Variants in DMAC2 observed in about 807,000 individuals in gnomAD.
DMAC2 encodes distal membrane-arm assembly complex protein 2.
Under a neutral mutation model 29.6 loss-of-function variants are expected in DMAC2, and 32 were observed. The ratio of observed to expected loss-of-function variants is 1.08; its 90% CI spans 0.81 to 1.45. DMAC2 has a LOEUF of 1.45. DMAC2 is among the 40% of genes most tolerant of loss of function. The pLI is 0.00. For synonymous variants in DMAC2, 133 were observed against 137.4 expected (o/e 0.97, Z 0.23); for missense variants, 319 against 340.0 (o/e 0.94, Z 0.49).
chr19:41,434,663 G>A (rs2039763560), intron 3 of DMAC2, among the ~76,000 whole-genome samples: 1 of 152,026 alleles, frequency 6.6e-6, no homozygotes, highest in African/African-American at 2.4e-5. Context: ...AAAGAGAAAG[G>A]GAAGGAGAAA....
At position 41,438,282 on chromosome 19, in the gene DMAC2, C is replaced by G. The variant is rs782651061; in HGVS notation, c.151G>C (p.Asp51His). The G allele has an allele frequency of 1.2e-6, 2 of 1,614,256 alleles. No homozygotes were observed. The highest frequency in any genetic ancestry group is 1.3e-5 in the African/African-American group (1 of 75,070). ...ILQFLTNYFYDVEALRDYLLQ... is the reference protein window; with the variant it reads ...ILQFLTNYFYHVEALRDYLLQ... ...AAGTAATCCCTCAGAGCCTCCACAT[C>G]GTAGAAATAGTTGGTCAGGAACTGG... is the stretch of plus-strand genomic sequence containing the variant. The change falls in exon 2 of 6, where the codon GAT becomes CAT. Residue 51 changes from aspartate (D) to histidine (H), a missense_variant. By Grantham distance (81) the Asp-to-His change is moderately conservative. Transcript: ENST00000221943.
chr19:41,432,252 T>C lies in DMAC2; in HGVS notation c.753A>G (p.Thr251=), dbSNP rs782191910. ...AAGGCTAGGCAGGGACAGGGCTGGC[T>C]GTGTCCCGAGGCTGCTCCTCCGGCC... ...KSGPEEQPRD[T]ASPVPA is the part of the protein sequence containing the mutation. The change falls in exon 6 of 6, where the codon ACA becomes ACG. Residue 251 remains threonine, a synonymous_variant. Transcript: ENST00000221943. 1 of 1,613,992 alleles carries C rather than the reference T, an allele frequency of 6.2e-7. No homozygotes were observed. The highest frequency in any genetic ancestry group is 8.5e-7 in the Non-Finnish European group (1 of 1,179,980).
intron 2 of DMAC2, among the ~76,000 whole-genome samples, chr19:41,437,864 A>C (rs2039954600): frequency 6.6e-6 from 1 of 152,176 alleles, no homozygotes; most frequent in Non-Finnish European, 1.5e-5. Flanking sequence ...GGAAGCAAAG[A>C]GAGGAATTAG....
chr19:41,433,766 A>T (rs1487288912), intron 3 of DMAC2, 93 bp from the exon 4 acceptor site: 10 of 1,511,224 alleles, frequency 6.6e-6, no homozygotes, highest in Admixed American at 1.9e-5. Flanking sequence ...TATAATATGT[A>T]TAGGTCACCC....
Position 41,439,909 on chromosome 19 carries a change from G to C in DMAC2, c.-10C>G. On this transcript the variant is annotated 5_prime_UTR_variant, in exon 1 of 6. Transcript: ENST00000221943. ...CCCAGGGAGCCGCCATCTTGCTAAG[G>C]TTTCGTAACCGGAAGGGGCCGGTCT... 1 of 1,614,190 alleles carries C rather than the reference G, an allele frequency of 6.2e-7. No individual in the cohort carries two copies. The highest frequency in any genetic ancestry group is 8.5e-7 in the Non-Finnish European group (1 of 1,180,042).
In DMAC2 at chr19:41,433,610, A is replaced by G; in HGVS notation, c.360T>C (p.Asn120=). Residue 120 remains asparagine (N), a synonymous_variant, in exon 4 of 6, where the codon AAT becomes AAC. Coordinates refer to ENST00000221943, the MANE Select transcript of DMAC2 (RefSeq NM_018035.3). ...KYGHFSQEFW[N]FCEVPVEAVD... ...CAGCTTCGACAGGCACTTCACAGAA[A>G]TTCCAGAACTCCTGAGAGAAATGGC... is the stretch of plus-strand genomic sequence containing the variant. 6.2e-7 allele frequency: 1 copy of G among 1,614,210 alleles called. No individual in the cohort carries two copies. The highest frequency in any genetic ancestry group is 8.5e-7 in the Non-Finnish European group (1 of 1,180,026).
intron 4 of DMAC2, 31 bp downstream of exon 4, chr19:41,433,506 G>T: frequency 1.8e-5 from 29 of 1,614,102 alleles, no homozygotes; most frequent in Non-Finnish European, 2.5e-5. Context: ...AAACATAGAG[G>T]CCTGTCCCAT....
chr19:41,433,865 A>C (rs1260260651), intron 3 of DMAC2, among the ~76,000 whole-genome samples, 192 bp from the exon 4 acceptor site: 5 of 151,884 alleles, frequency 3.3e-5, no homozygotes, highest in East Asian at 3.9e-4. Flanking sequence ...TGGGAGGCTG[A>C]GGCAGGAGAA....
At chr19:41,438,186 T>C in intron 2 of DMAC2, 32 bp downstream of exon 2, 2 of 1,590,884 alleles carry the variant, frequency 1.3e-6, no homozygotes, top group Non-Finnish European at 1.7e-6. Flanking sequence ...GGCCAGGGTC[T>C]CCACAGGGTC....
intron 2 of DMAC2, among the ~76,000 whole-genome samples, chr19:41,437,562 G>C (rs984432900): frequency 2.0e-5 from 3 of 152,104 alleles, no homozygotes; most frequent in Non-Finnish European, 4.4e-5. Context: ...AGCTGGGCCT[G>C]GTGGCGGGCG....
Position 41,438,204 on chromosome 19 carries a change from C to G in DMAC2, c.215+14G>C. 6.2e-7 allele frequency: 1 copy of G among 1,609,986 alleles called. No homozygotes were observed. The highest frequency in any genetic ancestry group is 8.5e-7 in the Non-Finnish European group (1 of 1,177,410). On this transcript the variant is annotated intron_variant, in intron 2 of 5. Coordinates refer to ENST00000221943, the MANE Select transcript of DMAC2 (RefSeq NM_018035.3). ...CAGGGTCTCCACAGGGTCTTGCAGA[C>G]CAGGGATTCTCACCGATTTTTCTCA...
intron 1 of DMAC2, 63 bp downstream of exon 1, chr19:41,439,819 C>G: frequency 6.2e-7 from 1 of 1,612,038 alleles, no homozygotes; most frequent in South Asian, 1.1e-5. Context: ...CAACAGAGGC[C>G]CTGAATGCGG....
At position 41,436,404 on chromosome 19, in the gene DMAC2, C is replaced by T. The variant is rs1555771174; in HGVS notation, c.284G>A (p.Gly95Glu). Residue 95 changes from glycine (G) to glutamate (E), a missense_variant, in exon 3 of 6, where the codon GGA becomes GAA. Physicochemically the swap from Gly to Glu is moderately conservative, Grantham distance 98. Transcript: ENST00000221943. ...GAGAFFILKQ[G>E]GAVKFRDKEW... ...TTAGCGGTCATACTTGACTGCGCCT[C>T]CCTGCTTCAGGATGAAAAAGGCACC... is the stretch of plus-strand genomic sequence containing the variant. The T allele has an allele frequency of 1.2e-6, 2 of 1,614,172 alleles. No homozygotes were observed. The highest frequency in any genetic ancestry group is 2.2e-5 in the South Asian group (2 of 91,086).
Position 41,432,260 on chromosome 19 carries a change from G to A in DMAC2, c.745C>T (p.Arg249Trp), listed in dbSNP as rs199654508. 122 of 1,613,940 alleles carry A rather than the reference G, an allele frequency of 7.6e-5. No homozygotes were observed. Among genetic ancestry groups the A allele is most frequent in the Non-Finnish European group, 8.7e-5 (103 of 1,180,018 alleles). Residue 249 changes from arginine (R) to tryptophan (W), a missense_variant, in exon 6 of 6, where the codon CGG becomes TGG. Transcript: ENST00000221943. The stretch of plus-strand genomic sequence containing the variant: ...GCAGGGACAGGGCTGGCTGTGTCCC[G>A]AGGCTGCTCCTCCGGCCCTGACTTC... The part of the protein sequence containing the change: ...GLKSGPEEQP[R>W]DTASPVPA
intron 2 of DMAC2, among the ~76,000 whole-genome samples, chr19:41,437,881 C>T (rs1231094996): frequency 6.6e-6 from 1 of 152,162 alleles, no homozygotes; most frequent in Non-Finnish European, 1.5e-5. Flanking sequence ...TTAGGGATGA[C>T]TCCTTAGAAT....
chr19:41,439,620 CA>C, intron 1 of DMAC2: 1 of 1,469,146 alleles, frequency 6.8e-7, no homozygotes, highest in Admixed American at 2.1e-5. Flanking sequence ...CGCTCTTCGG[CA>C]GCCACTCCCT....
intron 1 of DMAC2, 93 bp from the exon 2 acceptor site, chr19:41,438,507 C>G (rs1555771963): frequency 9.4e-7 from 1 of 1,063,132 alleles, no homozygotes; most frequent in East Asian, 2.6e-5. Context: ...ACCTCAATCC[C>G]TCTGCTTCCC....
In DMAC2 at chr19:41,431,445, A is replaced by G; in HGVS notation, c.*786T>C. 1 of 402,304 alleles carries G rather than the reference A, an allele frequency of 2.5e-6. No individual in the cohort carries two copies. The highest frequency in any genetic ancestry group is 5.0e-6 in the Non-Finnish European group (1 of 201,432). 24.9% of individuals were successfully genotyped at this position (402,304 alleles called of 1,614,324 possible). On this transcript the variant is annotated 3_prime_UTR_variant, in exon 6 of 6. Transcript: ENST00000221943. ...TCCATTTGGGGTGCTGGGGAACGTT[A>G]TTCCCAGAGAGGTGCCTCAGTGGAG...
chr19:41,432,917 G>A, intron 5 of DMAC2: 1 of 522,798 alleles, frequency 1.9e-6, no homozygotes, highest in African/African-American at 1.9e-5. Context: ...TGTGTATAGG[G>A]AGGTACTGGC....
Sources: allele counts gnomAD v4.1 joint callset (sites outside exome capture counted in the v4.1 genomes callset), GRCh38; gene constraint gnomAD v4.1.1; transcripts MANE v1.5; gene names NCBI Gene and HGNC (gene_info 2026-07-23, HGNC 2026-07-21).